Variants in PCDH9 observed in about 807,000 individuals in gnomAD.
PCDH9 encodes protocadherin 9, also known as protocadherin-9.
Under a neutral mutation model 70.6 loss-of-function variants are expected in PCDH9, and 24 were observed. The ratio of observed to expected loss-of-function variants is 0.34; its 90% CI spans 0.25 to 0.48. The LOEUF (loss-of-function observed/expected upper bound fraction) is 0.48. PCDH9 is among the 20% of genes least tolerant of loss of function. The probability of loss-of-function intolerance (pLI) is 0.99; values close to 1 mark genes in which losing one functional copy is unlikely to be tolerated. For missense variants in PCDH9, 1,281 were observed against 1,503.6 expected (o/e 0.85, Z 2.45); for synonymous variants, 562 against 558.5 (o/e 1.01, Z -0.09).
chr13:66,615,059 A>C (rs894766068), intron 4 of PCDH9, among the ~76,000 whole-genome samples: 3 of 152,230 alleles, frequency 2.0e-5, no homozygotes, highest in African/African-American at 7.2e-5. Flanking sequence ...GCTTGCTTGG[A>C]CCAGTATAAG....
At chr13:67,137,130 A>G (rs4884715) in intron 2 of PCDH9, among the ~76,000 whole-genome samples, 1 of 151,720 alleles carries the variant, frequency 6.6e-6, no homozygotes, top group Non-Finnish European at 1.5e-5. Flanking sequence ...AATAATAAAA[A>G]AAAAGAAAAT....
At chr13:66,346,802 C>G (rs1385418765) in intron 4 of PCDH9, among the ~76,000 whole-genome samples, 1 of 152,168 alleles carries the variant, frequency 6.6e-6, no homozygotes, top group Non-Finnish European at 1.5e-5. Flanking sequence ...TTACATCCTT[C>G]AAATGAGGAA....
chr13:67,074,252 T>A (rs1383004822), intron 2 of PCDH9, among the ~76,000 whole-genome samples: 1 of 152,038 alleles, frequency 6.6e-6, no homozygotes, highest in African/African-American at 2.4e-5. Context: ...CAAGCTACCC[T>A]CGTCAATGGA....
chr13:66,997,822 C>T (rs1302822978), intron 2 of PCDH9, among the ~76,000 whole-genome samples: 7 of 152,098 alleles, frequency 4.6e-5, no homozygotes, highest in African/African-American at 1.2e-4. Flanking sequence ...CATGAGCCAC[C>T]GCGCCTGGAC....
chr13:66,944,107 C>G (rs1026488641), intron 2 of PCDH9, among the ~76,000 whole-genome samples: 1 of 151,962 alleles, frequency 6.6e-6, no homozygotes. Context: ...ATGTTTTGTG[C>G]AAGGCATATG....
chr13:67,178,252 C>A (rs2088519559), intron 2 of PCDH9, among the ~76,000 whole-genome samples: 1 of 151,988 alleles, frequency 6.6e-6, no homozygotes, highest in Non-Finnish European at 1.5e-5. Flanking sequence ...AGTTAAAGGT[C>A]AAACTAAAAT....
At chr13:66,645,588 T>C (rs1172793202) in intron 3 of PCDH9, among the ~76,000 whole-genome samples, 2 of 152,054 alleles carry the variant, frequency 1.3e-5, no homozygotes, top group African/African-American at 4.8e-5. Context: ...ACGTGGAAAA[T>C]GCCTGCTAAA....
chr13:66,899,074 C>G (rs1055013249), intron 3 of PCDH9, among the ~76,000 whole-genome samples: 1 of 151,978 alleles, frequency 6.6e-6, no homozygotes, highest in Non-Finnish European at 1.5e-5. Flanking sequence ...CACCATTTGA[C>G]ATATTTTAAT....
intron 3 of PCDH9, among the ~76,000 whole-genome samples, chr13:66,743,486 A>G (rs2139207014): frequency 7.8e-6 from 1 of 127,578 alleles, no homozygotes. Flanking sequence ...CTAAAACTTA[A>G]AGTATAATAA....
chr13:66,603,385 C>T (rs770194428), intron 4 of PCDH9, among the ~76,000 whole-genome samples: 6 of 151,938 alleles, frequency 3.9e-5, no homozygotes, highest in Non-Finnish European at 5.9e-5. Context: ...ACCTTGGATA[C>T]ATTTAGCATC....
intron 2 of PCDH9, among the ~76,000 whole-genome samples, chr13:67,102,584 ACTT>A (rs1240134416): frequency 6.6e-6 from 1 of 152,176 alleles, no homozygotes; most frequent in African/African-American, 2.4e-5. Context: ...TATTCTACAT[ACTT>A]CTTAAAGTAA....
chr13:67,141,367 C>A (rs966723521), intron 2 of PCDH9, among the ~76,000 whole-genome samples: 1 of 152,054 alleles, frequency 6.6e-6, no homozygotes, highest in Admixed American at 6.6e-5. Flanking sequence ...GCAGGAGGAT[C>A]ACTTGACCCC....
At chr13:66,472,125 T>C (rs950325994) in intron 4 of PCDH9, among the ~76,000 whole-genome samples, 6 of 145,850 alleles carry the variant, frequency 4.1e-5, no homozygotes, top group African/African-American at 1.5e-4. Flanking sequence ...GGCAAAAGAA[T>C]CGCTTGAACC....
chr13:66,659,894 G>A lies in PCDH9; in HGVS notation c.3139-28483C>T, dbSNP rs534622776. The stretch of plus-strand genomic sequence containing the variant: ...TGAAGTATAACAAGTTAACAGCAGA[G>A]TCAAGGATGACACTATTTAAGGTGC... On this transcript the variant is annotated intron_variant, in intron 3 of 4. Coordinates refer to ENST00000377865, the MANE Select transcript of PCDH9 (RefSeq NM_203487.3). Among the ~76,000 whole-genome samples, 37 of 152,266 alleles carry A rather than the reference G, an allele frequency of 2.4e-4. No homozygotes were observed. The South Asian group carries it at 7.5e-3, about 31-fold the overall frequency.
At chr13:66,977,543 A>T (rs1594337859) in intron 2 of PCDH9, 1 of 152,200 alleles carries the variant, frequency 6.6e-6, no homozygotes. Flanking sequence ...TAGGAAAGGG[A>T]TATTATTGTC....
intron 3 of PCDH9, among the ~76,000 whole-genome samples, chr13:66,839,188 T>G (rs2081074319): frequency 6.6e-6 from 1 of 151,988 alleles, no homozygotes; most frequent in Admixed American, 6.6e-5. Flanking sequence ...TGTAACTTAT[T>G]AATGTGCAAC....
At chr13:67,006,395 C>A (rs967403394) in intron 2 of PCDH9, among the ~76,000 whole-genome samples, 1 of 152,172 alleles carries the variant, frequency 6.6e-6, no homozygotes, top group African/African-American at 2.4e-5. Context: ...TAATCTAGGT[C>A]ATTGGTTCTG....
At chr13:66,780,536 G>T (rs982060836) in intron 3 of PCDH9, among the ~76,000 whole-genome samples, 4 of 152,086 alleles carry the variant, frequency 2.6e-5, no homozygotes, top group Non-Finnish European at 4.4e-5. Flanking sequence ...CATGTGGCCA[G>T]CTTGCTCTTT....
intron 3 of PCDH9, among the ~76,000 whole-genome samples, chr13:66,822,151 C>CACACAA (rs1481470266): frequency 6.6e-6 from 1 of 151,578 alleles, no homozygotes; most frequent in East Asian, 1.9e-4. Context: ...CACACACACA[C>CACACAA]ACACACACTC....
Sources: allele counts gnomAD v4.1 joint callset (sites outside exome capture counted in the v4.1 genomes callset), GRCh38; gene constraint gnomAD v4.1.1; transcripts MANE v1.5; gene names NCBI Gene and HGNC (gene_info 2026-07-23, HGNC 2026-07-21).